The following SLA variants were observed in gnomAD, a reference collection of about 807,000 sequenced individuals.
The protein encoded by SLA is Src like adaptor, also known as src-like-adapter.
SLA carries 16 observed loss-of-function variants against 30.3 expected under a neutral mutation model. The observed-to-expected ratio is 0.53, with a 90% CI of 0.36 to 0.80. The LOEUF (loss-of-function observed/expected upper bound fraction) is 0.80. Among genes scored for constraint, SLA ranks in the 30% least tolerant of loss-of-function variants. The pLI, the probability that SLA is intolerant of heterozygous loss-of-function variation, is 0.01. For missense variants in SLA, 310 were observed against 345.2 expected (o/e 0.90, Z 0.81); for synonymous variants, 143 against 137.8 (o/e 1.04, Z -0.26).
intron 3 of SLA, among the ~76,000 whole-genome samples, chr8:133,056,343 A>G (rs1841443478): frequency 6.6e-6 from 1 of 152,226 alleles, no homozygotes; most frequent in African/African-American, 2.4e-5. Flanking sequence ...CAAATAGAAA[A>G]AAGGGATCTG....
At chr8:133,082,506 T>G (rs1845905554) in intron 1 of SLA, among the ~76,000 whole-genome samples, 1 of 152,210 alleles carries the variant, frequency 6.6e-6, no homozygotes, top group African/African-American at 2.4e-5. Flanking sequence ...GCCCATGGAA[T>G]TATCCTGATA....
chr8:133,054,803 A>G (rs1841061880), intron 3 of SLA, among the ~76,000 whole-genome samples: 1 of 152,180 alleles, frequency 6.6e-6, no homozygotes, highest in Admixed American at 6.5e-5. Flanking sequence ...CGAATCCACA[A>G]AGGGGAGGGA....
chr8:133,042,250 T>C (rs1838396698), intron 7 of SLA, among the ~76,000 whole-genome samples: 1 of 152,204 alleles, frequency 6.6e-6, no homozygotes, highest in South Asian at 2.1e-4. Context: ...TCCAGCTGTC[T>C]CTTGGGTTCA....
chr8:133,098,541 A>G (rs142969981), intron 1 of SLA, among the ~76,000 whole-genome samples: 49 of 152,312 alleles, frequency 3.2e-4, no homozygotes, highest in Admixed American at 1.8e-3. Flanking sequence ...TCTGTGCACA[A>G]GACACCATGT....
chr8:133,094,417 T>A (rs1848102719), intron 1 of SLA, among the ~76,000 whole-genome samples: 1 of 151,832 alleles, frequency 6.6e-6, no homozygotes, highest in African/African-American at 2.4e-5. Flanking sequence ...GTTTTTTGTA[T>A]TTTTAGTAGA....
At chr8:133,091,800 C>T (rs979071659) in intron 1 of SLA, among the ~76,000 whole-genome samples, 1 of 151,754 alleles carries the variant, frequency 6.6e-6, no homozygotes, top group African/African-American at 2.4e-5. Flanking sequence ...AAGTGTGGGT[C>T]TCCCTGTGTC....
intron 3 of SLA, 112 bp from the exon 4 acceptor site, chr8:133,051,027 C>A (rs1348737949): frequency 1.5e-6 from 1 of 661,162 alleles, no homozygotes; most frequent in Non-Finnish European, 2.7e-6. Context: ...GCAGGAAATA[C>A]CTTTCTTGTT....
intron 1 of SLA, among the ~76,000 whole-genome samples, chr8:133,080,593 T>G (rs536655151): frequency 6.6e-6 from 1 of 152,282 alleles, no homozygotes; most frequent in Admixed American, 6.5e-5. Flanking sequence ...CAGGACCATC[T>G]TCATCCCTTT....
At chr8:133,042,158 C>G (rs570728384) in intron 7 of SLA, among the ~76,000 whole-genome samples, 1 of 152,004 alleles carries the variant, frequency 6.6e-6, no homozygotes, top group Non-Finnish European at 1.5e-5. Context: ...TACTCAGGGC[C>G]GTAGAAATGT....
chr8:133,057,776 A>AAC (rs1358360266), intron 3 of SLA, among the ~76,000 whole-genome samples: 125 of 85,726 alleles, frequency 1.5e-3, no homozygotes, highest in Middle Eastern at 6.8e-3. Context: ...ACAAAAAACA[A>AAC]AAAAAAAAAA....
chr8:133,091,580 G>A (rs1847535485), intron 1 of SLA, among the ~76,000 whole-genome samples: 1 of 152,108 alleles, frequency 6.6e-6, no homozygotes, highest in Non-Finnish European at 1.5e-5. Context: ...GTGTGTTTGT[G>A]TGTATGTGTC....
At chr8:133,081,159 G>A (rs772262965) in intron 1 of SLA, among the ~76,000 whole-genome samples, 6 of 152,360 alleles carry the variant, frequency 3.9e-5, no homozygotes, top group East Asian at 1.9e-4. Flanking sequence ...CGCATAGGAC[G>A]GGACCCACCA....
chr8:133,049,951 C>A lies in SLA; in HGVS notation c.199G>T (p.Gly67Cys), dbSNP rs1840095729. Residue 67 changes from glycine (G) to cysteine (C), a missense_variant, in exon 5 of 9, where the codon GGT (glycine) becomes TGT (cysteine). Gly to Cys is a radical substitution (Grantham distance 159, BLOSUM62 -3). Transcript: ENST00000338087. ...ATTCCAGGGATGTAACTCTCTCGACCAGTGCTAAGAGAAATAGCTTTCCAC... is the reference window on the plus strand; with the variant it reads ...ATTCCAGGGATGTAACTCTCTCGACAAGTGCTAAGAGAAATAGCTTTCCAC... The part of the protein sequence containing the change: ...GWWKAISLST[G>C]RESYIPGICV... 1.2e-6 allele frequency: 2 copies of A among 1,613,628 alleles called. No individual in the cohort carries two copies. Among genetic ancestry groups the A allele is most frequent in the African/African-American group, 2.7e-5 (2 of 74,916 alleles).
chr8:133,058,859 A>G (rs1841937468), intron 3 of SLA, among the ~76,000 whole-genome samples: 1 of 152,172 alleles, frequency 6.6e-6, no homozygotes. Flanking sequence ...TGGCTTGAGA[A>G]GGAGAGTTAC....
At chr8:133,096,332 T>G in intron 1 of SLA, 1 of 1,614,106 alleles carries the variant, frequency 6.2e-7, no homozygotes, top group Non-Finnish European at 8.5e-7. Context: ...CATTGGGAGT[T>G]CTCAGGACGA....
Position 133,042,678 on chromosome 8 carries a change from C to CCTTTTTTTTTTTTTTTT in SLA, c.484+2305_484+2306insAAAAAAAAAAAAAAAAG, listed in dbSNP as rs1554706932. Among the ~76,000 whole-genome samples, 29 of 56,766 alleles carry CCTTTTTTTTTTTTTTTT rather than the reference C, an allele frequency of 5.1e-4. 5 individuals carry two copies. Among genetic ancestry groups the CCTTTTTTTTTTTTTTTT allele is most frequent in the East Asian group, 1.3e-3 (3 of 2,280 alleles). 37.2% of individuals were successfully genotyped at this position (56,766 alleles called of 152,430 possible). On this transcript the variant is annotated intron_variant, in intron 7 of 8. Coordinates refer to ENST00000338087, the MANE Select transcript of SLA (RefSeq NM_001045556.3). ...GTGCACAATTCCTCTCATTCTGTGTCTTTTTTTTTTTTTTTTTTTTTTTTT... is the reference window on the plus strand; with the variant it reads ...GTGCACAATTCCTCTCATTCTGTGTCCTTTTTTTTTTTTTTTTTTTTTTTTTTTTTTTTTTTTTTTTT...
intron 1 of SLA, chr8:133,096,093 TAG>T: frequency 7.4e-7 from 1 of 1,344,552 alleles, no homozygotes; most frequent in Non-Finnish European, 1.1e-6. Context: ...TTTTTCTCAG[TAG>T]AGTCATAGAT....
At chr8:133,043,897 T>C (rs542920117) in intron 7 of SLA, among the ~76,000 whole-genome samples, 1 of 152,262 alleles carries the variant, frequency 6.6e-6, no homozygotes, top group Admixed American at 6.5e-5. Context: ...CTTTCTTTCC[T>C]CCCTCCAATA....
chr8:133,054,410 A>C (rs1840972899), intron 3 of SLA, among the ~76,000 whole-genome samples: 1 of 152,212 alleles, frequency 6.6e-6, no homozygotes, highest in Admixed American at 6.5e-5. Context: ...GCCACTACAC[A>C]GTGATGCGAT....
Sources: allele counts gnomAD v4.1 joint callset (sites outside exome capture counted in the v4.1 genomes callset), GRCh38; gene constraint gnomAD v4.1.1; transcripts MANE v1.5; gene names NCBI Gene and HGNC (gene_info 2026-07-23, HGNC 2026-07-21).